Variants in EPSTI1 observed in about 807,000 individuals in gnomAD.
The protein encoded by EPSTI1 is epithelial stromal interaction 1, also known as epithelial-stromal interaction protein 1.
EPSTI1 carries 66 observed loss-of-function variants against 49.9 expected under a neutral mutation model. The observed-to-expected ratio is 1.32, with a 90% CI of 1.08 to 1.62. The LOEUF is 1.62. Ranked by LOEUF, EPSTI1 falls within the 40% of genes most tolerant of loss-of-function variation. The pLI is 0.00. For missense variants in EPSTI1, 394 were observed against 365.5 expected (o/e 1.08, Z -0.64); for synonymous variants, 137 against 130.7 (o/e 1.05, Z -0.33).
At chr13:42,919,410 GT>G in intron 7 of EPSTI1, 2 of 1,278,248 alleles carry the variant, frequency 1.6e-6, no homozygotes, top group Admixed American at 3.5e-5. Flanking sequence ...CTAAGTCACT[GT>G]ATTCACATAA....
chr13:42,987,322 G>A (rs2040102551), intron 1 of EPSTI1, among the ~76,000 whole-genome samples: 1 of 151,874 alleles, frequency 6.6e-6, no homozygotes, highest in Non-Finnish European at 1.5e-5. Flanking sequence ...ACAGTTAGTT[G>A]GTGTTAGAAT....
At chr13:42,935,087 T>G (rs1052628965) in intron 6 of EPSTI1, among the ~76,000 whole-genome samples, 1 of 152,232 alleles carries the variant, frequency 6.6e-6, no homozygotes, top group Non-Finnish European at 1.5e-5. Context: ...GGCCATACCC[T>G]GGACATTGTT....
chr13:42,920,987 A>G (rs536360978), intron 7 of EPSTI1, among the ~76,000 whole-genome samples: 1 of 152,302 alleles, frequency 6.6e-6, no homozygotes, highest in Admixed American at 6.5e-5. Flanking sequence ...ATGCCAAAAT[A>G]TAGAAAAAAG....
chr13:42,970,589 G>A (rs1195403338), intron 2 of EPSTI1, 23 bp downstream of exon 2: 2 of 1,572,362 alleles, frequency 1.3e-6, no homozygotes, highest in Admixed American at 1.8e-5. Flanking sequence ...CATTCTGAAT[G>A]TTAAATGAAT....
intron 6 of EPSTI1, among the ~76,000 whole-genome samples, chr13:42,953,127 C>A (rs950656350): frequency 1.3e-5 from 2 of 151,840 alleles, no homozygotes; most frequent in African/African-American, 2.4e-5. Context: ...TGATCCTATT[C>A]AATAAGGATC....
At chr13:42,889,111 C>T in intron 10 of EPSTI1, 1 of 950,402 alleles carries the variant, frequency 1.1e-6, no homozygotes, top group Non-Finnish European at 1.6e-6. Context: ...CTTAACTGCC[C>T]CTGAAGACAT....
In EPSTI1 at chr13:42,886,876, C is replaced by T. The variant is rs1352524039; in HGVS notation, c.*1618G>A. On this transcript the variant is annotated 3_prime_UTR_variant, in exon 11 of 11. Coordinates refer to ENST00000313624, the MANE Select transcript of EPSTI1 (RefSeq NM_033255.5). Reference sequence around the variant, plus strand: ...GTGGAGGAGAAATTGACACCAACTTCCCTGAGAGCTTCCAAAGTAAGAAAG... The same window carrying T: ...GTGGAGGAGAAATTGACACCAACTTTCCTGAGAGCTTCCAAAGTAAGAAAG... The T allele has an allele frequency of 2.0e-5, 3 of 152,302 alleles. No homozygotes were observed. Among genetic ancestry groups the T allele is most frequent in the Middle Eastern group, 3.4e-3 (1 of 294 alleles). The allele number at this position is 152,302 out of a possible 1,614,324, so 9.4% of individuals were successfully genotyped here.
intron 5 of EPSTI1, 99 bp downstream of exon 5, chr13:42,963,156 A>AG (rs2039506925): frequency 1.0e-5 from 10 of 962,308 alleles, no homozygotes; most frequent in South Asian, 1.0e-4. Context: ...AGAGAGAGAG[A>AG]AAGATGGATA....
intron 7 of EPSTI1, among the ~76,000 whole-genome samples, chr13:42,921,522 G>T (rs1346748860): frequency 1.3e-5 from 2 of 152,142 alleles, no homozygotes; most frequent in African/African-American, 4.8e-5. Flanking sequence ...AATAAAGCAA[G>T]AAAATAGAAG....
chr13:42,979,062 T>TC (rs1434548059), intron 1 of EPSTI1, among the ~76,000 whole-genome samples: 1 of 152,212 alleles, frequency 6.6e-6, no homozygotes, highest in Non-Finnish European at 1.5e-5. Flanking sequence ...ATATTTTTTC[T>TC]CCTGTAAATG....
At chr13:42,917,719 C>T (rs978855695) in intron 7 of EPSTI1, 95 bp from the exon 8 acceptor site, 6 of 865,782 alleles carry the variant, frequency 6.9e-6, no homozygotes, top group Non-Finnish European at 1.1e-5. Flanking sequence ...AGGCCCGGTG[C>T]TAATAACTCA....
At chr13:42,984,382 G>A (rs761503303) in intron 1 of EPSTI1, among the ~76,000 whole-genome samples, 11 of 152,180 alleles carry the variant, frequency 7.2e-5, no homozygotes, top group Admixed American at 1.3e-4. Context: ...GGAAGAAATA[G>A]TGAAAACAGT....
chr13:42,983,742 A>G (rs2040030770), intron 1 of EPSTI1, among the ~76,000 whole-genome samples: 1 of 152,078 alleles, frequency 6.6e-6, no homozygotes, highest in African/African-American at 2.4e-5. Flanking sequence ...AAATCATTTT[A>G]TTTTCAAGAC....
chr13:42,891,940 C>T (rs1438932543), intron 10 of EPSTI1, among the ~76,000 whole-genome samples: 1 of 152,060 alleles, frequency 6.6e-6, no homozygotes, highest in Non-Finnish European at 1.5e-5. Flanking sequence ...GGAGGGGAGC[C>T]TAGAAAGGGG....
chr13:42,897,163 G>C (rs745850572), intron 9 of EPSTI1, among the ~76,000 whole-genome samples: 27 of 151,180 alleles, frequency 1.8e-4, no homozygotes, highest in Admixed American at 4.6e-4. Flanking sequence ...TTGTACTTTA[G>C]AGCCTCTGCA....
At chr13:42,918,866 C>T (rs2037913885) in intron 7 of EPSTI1, among the ~76,000 whole-genome samples, 1 of 152,138 alleles carries the variant, frequency 6.6e-6, no homozygotes, top group African/African-American at 2.4e-5. Flanking sequence ...CTCTGACAAC[C>T]CCTTCTTTTT....
At chr13:42,946,686 C>A (rs2038927918) in intron 6 of EPSTI1, among the ~76,000 whole-genome samples, 1 of 152,166 alleles carries the variant, frequency 6.6e-6, no homozygotes, top group Non-Finnish European at 1.5e-5. Flanking sequence ...GTCTGTCCCA[C>A]CCTCTCCAAT....
At chr13:42,943,788 A>G (rs938278939) in intron 6 of EPSTI1, among the ~76,000 whole-genome samples, 1 of 152,250 alleles carries the variant, frequency 6.6e-6, no homozygotes, top group African/African-American at 2.4e-5. Flanking sequence ...CAAAGGGCTA[A>G]TAACCAGAAT....
chr13:42,950,366 G>A (rs775296329), intron 6 of EPSTI1, among the ~76,000 whole-genome samples: 4 of 152,154 alleles, frequency 2.6e-5, no homozygotes, highest in South Asian at 2.1e-4. Flanking sequence ...CAGCTTGCAC[G>A]GGCAGATTAA....
Sources: allele counts gnomAD v4.1 joint callset (sites outside exome capture counted in the v4.1 genomes callset), GRCh38; gene constraint gnomAD v4.1.1; transcripts MANE v1.5; gene names NCBI Gene and HGNC (gene_info 2026-07-23, HGNC 2026-07-21).